CSMD1: variants seen among roughly 807,000 people sequenced by gnomAD.
CSMD1 encodes the protein CUB and Sushi multiple domains 1.
A neutral mutation model predicts 417.5 loss-of-function variants in CSMD1; 213 were observed. The observed-to-expected ratio is 0.51, with a 90% CI of 0.46 to 0.57. CSMD1 has a LOEUF of 0.57. CSMD1 is among the 20% of genes least tolerant of loss of function. The pLI is 0.00. For synonymous variants in CSMD1, 2,862 were observed against 1,736.8 expected (o/e 1.65, Z -16.11); for missense variants, 6,923 against 4,529.7 (o/e 1.53, Z -15.17).
chr8:4,331,402 T>C (rs774231296), intron 3 of CSMD1, among the ~76,000 whole-genome samples: 23 of 152,300 alleles, frequency 1.5e-4, no homozygotes, highest in Middle Eastern at 6.8e-3. Context: ...CAGTTTTTCA[T>C]GGTTAGTTGT....
chr8:4,062,032 G>C (rs112703593), intron 3 of CSMD1, among the ~76,000 whole-genome samples: 6 of 152,156 alleles, frequency 3.9e-5, no homozygotes, highest in African/African-American at 1.4e-4. Flanking sequence ...GAGCACGCAG[G>C]TGGTGAAAAT....
intron 5 of CSMD1, among the ~76,000 whole-genome samples, chr8:3,884,460 C>T (rs542700559): frequency 1.3e-5 from 2 of 152,288 alleles, no homozygotes; most frequent in African/African-American, 2.4e-5. Flanking sequence ...ATCTCAACTG[C>T]CAGCCTGAGC....
intron 49 of CSMD1, among the ~76,000 whole-genome samples, chr8:3,076,065 A>AG (rs1324382915): frequency 1.3e-5 from 2 of 151,762 alleles, no homozygotes; most frequent in Non-Finnish European, 2.9e-5. Context: ...AAAAGAAAAA[A>AG]AAAAAAAGAC....
At chr8:4,134,647 A>G (rs1803308955) in intron 3 of CSMD1, among the ~76,000 whole-genome samples, 1 of 152,198 alleles carries the variant, frequency 6.6e-6, no homozygotes, top group South Asian at 2.1e-4. Flanking sequence ...TACCTTTAAA[A>G]TATATCTAGA....
At chr8:3,413,347 G>C (rs904215651) in intron 12 of CSMD1, among the ~76,000 whole-genome samples, 2 of 152,168 alleles carry the variant, frequency 1.3e-5, no homozygotes, top group Admixed American at 6.5e-5. Flanking sequence ...GGGTCTTTCT[G>C]CTTTCCATGC....
At chr8:3,117,178 C>G (rs980488357) in intron 42 of CSMD1, among the ~76,000 whole-genome samples, 2 of 152,132 alleles carry the variant, frequency 1.3e-5, no homozygotes, top group Non-Finnish European at 2.9e-5. Flanking sequence ...TCCCGCCATT[C>G]TCCCACCTCA....
At chr8:3,292,872 A>G (rs528124995) in intron 25 of CSMD1, among the ~76,000 whole-genome samples, 1 of 151,334 alleles carries the variant, frequency 6.6e-6, no homozygotes, top group Non-Finnish European at 1.5e-5. Flanking sequence ...TGTCATTATG[A>G]TGTTAGCTGG....
At chr8:3,537,417 A>G (rs1585324466) in intron 10 of CSMD1, among the ~76,000 whole-genome samples, 2 of 152,338 alleles carry the variant, frequency 1.3e-5, no homozygotes, top group East Asian at 3.9e-4. Flanking sequence ...CAAATACTAC[A>G]CCTGTTGCAT....
chr8:4,070,380 C>T (rs916351985), intron 3 of CSMD1, among the ~76,000 whole-genome samples: 6 of 152,136 alleles, frequency 3.9e-5, no homozygotes, highest in Non-Finnish European at 7.4e-5. Context: ...TGTTTTGAGA[C>T]AGAGTCTCGC....
chr8:4,813,257 G>C (rs1030798998), intron 1 of CSMD1, among the ~76,000 whole-genome samples: 1 of 152,112 alleles, frequency 6.6e-6, no homozygotes, highest in Non-Finnish European at 1.5e-5. Context: ...TGAAATGCTT[G>C]TAGTAATGAT....
At chr8:4,830,813 G>T (rs904072832) in intron 1 of CSMD1, among the ~76,000 whole-genome samples, 1 of 152,116 alleles carries the variant, frequency 6.6e-6, no homozygotes, top group African/African-American at 2.4e-5. Context: ...AGGTTAATGT[G>T]GAATGAGCAG....
intron 1 of CSMD1, among the ~76,000 whole-genome samples, chr8:4,965,719 C>T (rs1809815329): frequency 6.6e-6 from 1 of 152,102 alleles, no homozygotes; most frequent in African/African-American, 2.4e-5. Context: ...AAATTGAATG[C>T]ACATTTTAAT....
intron 4 of CSMD1, among the ~76,000 whole-genome samples, chr8:4,001,326 G>A (rs1315955526): frequency 6.6e-6 from 1 of 152,130 alleles, no homozygotes; most frequent in African/African-American, 2.4e-5. Flanking sequence ...ATAGCTCCAG[G>A]ACAGAGTCCA....
intron 1 of CSMD1, among the ~76,000 whole-genome samples, chr8:4,905,761 A>C (rs772867481): frequency 2.8e-5 from 4 of 144,220 alleles, no homozygotes; most frequent in Non-Finnish European, 6.0e-5. Flanking sequence ...CGGAGCTTGC[A>C]GTGAGCCGAG....
intron 17 of CSMD1, 142 bp downstream of exon 17, chr8:3,396,052 C>A (rs1490769920): frequency 3.0e-6 from 2 of 669,880 alleles, no homozygotes; most frequent in South Asian, 3.9e-5. Flanking sequence ...AAAGTTCTTA[C>A]AATTGCATAG....
rs931892506 is a variant in CSMD1 at position 4,387,336 on chromosome 8, C to CA, written c.415+32616dup. Among the ~76,000 whole-genome samples the CA allele has an allele frequency of 5.2e-4, 79 of 152,042 alleles. 1 individual carries two copies. Among genetic ancestry groups the CA allele is most frequent in the African/African-American group, 1.9e-3 (79 of 41,504 alleles). On this transcript the variant is annotated intron_variant, in intron 3 of 69. Transcript: ENST00000635120. ...TCCTGAAACAATTTACCGTAAGTGACAAATGAGCCTACACTCAGAAGTGCA... is the reference window on the plus strand; with the variant it reads ...TCCTGAAACAATTTACCGTAAGTGACAAAATGAGCCTACACTCAGAAGTGCA...
intron 5 of CSMD1, among the ~76,000 whole-genome samples, chr8:3,994,622 T>G (rs1461391975): frequency 6.8e-6 from 1 of 146,126 alleles, no homozygotes; most frequent in Non-Finnish European, 1.5e-5. Flanking sequence ...ATCCGACTAG[T>G]TAAAAAAAAA....
intron 2 of CSMD1, among the ~76,000 whole-genome samples, chr8:4,433,234 T>C (rs930821083): frequency 6.6e-6 from 1 of 152,154 alleles, no homozygotes; most frequent in East Asian, 1.9e-4. Flanking sequence ...TAAAGTGCAT[T>C]ATAAATGTAC....
chr8:3,572,809 C>A (rs527422152), intron 10 of CSMD1, among the ~76,000 whole-genome samples: 2 of 152,216 alleles, frequency 1.3e-5, no homozygotes, highest in South Asian at 4.1e-4. Context: ...CAAGTCAACA[C>A]CTAATATAGC....
Sources: gnomAD v4.1 joint callset for allele counts (sites outside exome capture counted in the v4.1 genomes callset) on GRCh38, gnomAD v4.1.1 for gene constraint, MANE v1.5 for transcripts, NCBI Gene and HGNC (gene_info 2026-07-23, HGNC 2026-07-21) for gene names.